Variants in TTC7B observed in about 807,000 individuals in gnomAD.
TTC7B encodes the protein tetratricopeptide repeat protein 7B.
A neutral mutation model predicts 106.8 loss-of-function variants in TTC7B; 28 were observed. The observed-to-expected ratio is 0.26, with a 90% confidence interval of 0.19 to 0.36. TTC7B has a LOEUF of 0.36. Among genes scored for constraint, TTC7B ranks in the 10% least tolerant of loss-of-function variants. The pLI is 1.00. For missense variants in TTC7B, 862 were observed against 1,076.4 expected (o/e 0.80, Z 2.79); for synonymous variants, 405 against 430.6 (o/e 0.94, Z 0.74).
At position 90,677,718 on chromosome 14, in the gene TTC7B, G is replaced by A. The variant is rs948416978; in HGVS notation, c.1015-1058C>T. 1.0e-5 allele frequency: 4 copies of A among 388,330 alleles called. No homozygotes were observed. The Admixed American group carries it at 1.3e-4, about 13-fold the overall frequency. 24.1% of individuals were successfully genotyped at this position (388,330 alleles called of 1,614,324 possible). On this transcript the variant is annotated intron_variant, in intron 8 of 19. Coordinates refer to ENST00000328459, the MANE Select transcript of TTC7B (RefSeq NM_001010854.2). ...ACGTTGATCTTCCCCCTGACATTCA[G>A]AAAGGCCACACACACACCTTCCCTC...
rs1889456213 is a variant in TTC7B, at chr14:90,537,837, CA to C, written c.*3530del. ...TCCTCATCTGTCTGTTTCCTTCTAC[CA>C]GAAGGTAGGTCCTAAGTGGATGCAG... On this transcript the variant is annotated 3_prime_UTR_variant, in exon 20 of 20. Transcript: ENST00000328459. 1.3e-5 allele frequency: 1 copy of C among 76,692 alleles called. No individual in the cohort carries two copies. The highest frequency in any genetic ancestry group is 4.1e-5 in the Non-Finnish European group (1 of 24,116). 4.8% of individuals were successfully genotyped at this position (76,692 alleles called of 1,614,324 possible).
chr14:90,602,090 T>C (rs1163826769), intron 17 of TTC7B: 3 of 455,770 alleles, frequency 6.6e-6, no homozygotes, highest in Non-Finnish European at 1.3e-5. Context: ...AATCAACTCT[T>C]AAGGGTGAGG....
At chr14:90,702,516 C>T (rs1171098448) in intron 5 of TTC7B, among the ~76,000 whole-genome samples, 1 of 151,934 alleles carries the variant, frequency 6.6e-6, no homozygotes, top group African/African-American at 2.4e-5. Flanking sequence ...AGCCTCAAAA[C>T]TCTATCATTG....
At chr14:90,593,339 G>A (rs1892047768) in intron 18 of TTC7B, 147 bp downstream of exon 18, 2 of 1,200,262 alleles carry the variant, frequency 1.7e-6, no homozygotes, top group Admixed American at 5.6e-5. Context: ...TAACATTTTG[G>A]TGCATGGCCG....
chr14:90,714,768 A>T (rs1207576428), intron 5 of TTC7B, among the ~76,000 whole-genome samples: 2 of 152,010 alleles, frequency 1.3e-5, no homozygotes, highest in African/African-American at 4.8e-5. Flanking sequence ...ATATACATTT[A>T]TTAAAAACAA....
intron 19 of TTC7B, among the ~76,000 whole-genome samples, chr14:90,555,411 G>T (rs1209064131): frequency 1.3e-5 from 2 of 152,234 alleles, no homozygotes; most frequent in East Asian, 1.9e-4. Flanking sequence ...CTAGGGAAGG[G>T]GGGGGTGTTT....
At position 90,526,729 on chromosome 14, in the gene TTC7B, C is replaced by T. The variant is rs115271252; in HGVS notation, c.*14639G>A. 0.029 allele frequency: 4,345 copies of T among 152,282 alleles called. 121 individuals are homozygous for T. Among genetic ancestry groups the T allele is most frequent in the East Asian group, 0.16 (853 of 5,178 alleles). The allele number at this position is 152,282 out of a possible 1,614,324, so 9.4% of individuals were successfully genotyped here. A position where few individuals can be genotyped will look rare whatever the true frequency, so the allele number is the denominator to read the frequency against. On this transcript the variant is annotated 3_prime_UTR_variant, in exon 20 of 20. Transcript: ENST00000328459. ...TGGTTTTATAAGGGTTTTTCCCCCT[C>T]CTTTTGCACGGCACTTCTCCTTCCT...
At chr14:90,573,752 C>T (rs1891144522) in intron 19 of TTC7B, among the ~76,000 whole-genome samples, 1 of 152,230 alleles carries the variant, frequency 6.6e-6, no homozygotes, top group Admixed American at 6.5e-5. Context: ...CCTGGCTGAC[C>T]CCTGCCATCT....
At chr14:90,564,828 T>C (rs1235887220) in intron 19 of TTC7B, among the ~76,000 whole-genome samples, 1 of 152,176 alleles carries the variant, frequency 6.6e-6, no homozygotes, top group Non-Finnish European at 1.5e-5. Flanking sequence ...GGAGAATCAC[T>C]TGAGCCCGGG....
At chr14:90,752,238 T>C (rs6575146) in intron 3 of TTC7B, among the ~76,000 whole-genome samples, 147,154 of 152,290 alleles carry the variant, frequency 0.97, 71,245 homozygotes, top group Non-Finnish European at 1. Flanking sequence ...AGATTAAGGG[T>C]CAGGTGCAGT....
chr14:90,655,126 A>G lies in TTC7B; in HGVS notation c.1342-16T>C. The G allele has an allele frequency of 6.3e-7, 1 of 1,588,796 alleles. No homozygotes were observed. The highest frequency in any genetic ancestry group is 8.6e-7 in the Non-Finnish European group (1 of 1,157,062). On this transcript the variant is annotated splice_polypyrimidine_tract_variant and intron_variant, in intron 11 of 19. Transcript: ENST00000328459. ...CCTCTTCCAACTGAAAAATGAGACAAGTTAAAAACAACAACAACCTGCAGA... is the reference window on the plus strand; with the variant it reads ...CCTCTTCCAACTGAAAAATGAGACAGGTTAAAAACAACAACAACCTGCAGA...
intron 5 of TTC7B, among the ~76,000 whole-genome samples, chr14:90,716,768 C>G (rs1341634628): frequency 6.6e-6 from 1 of 152,160 alleles, no homozygotes; most frequent in Non-Finnish European, 1.5e-5. Flanking sequence ...GGTATTTTAA[C>G]TGCTTATTTC....
chr14:90,628,429 G>A (rs953402466), intron 15 of TTC7B, among the ~76,000 whole-genome samples: 1 of 152,164 alleles, frequency 6.6e-6, no homozygotes, highest in Admixed American at 6.5e-5. Flanking sequence ...TTCTCCACAT[G>A]ACCCAGTTTG....
chr14:90,764,349 A>G (rs894028844), intron 3 of TTC7B, among the ~76,000 whole-genome samples: 1 of 152,172 alleles, frequency 6.6e-6, no homozygotes, highest in African/African-American at 2.4e-5. Flanking sequence ...AGTAAAAACT[A>G]TAAAACTCAT....
intron 3 of TTC7B, among the ~76,000 whole-genome samples, chr14:90,760,611 T>C (rs895851611): frequency 6.6e-6 from 1 of 152,264 alleles, no homozygotes; most frequent in Non-Finnish European, 1.5e-5. Context: ...TCAGGCATTG[T>C]AAACCCCAGG....
At chr14:90,665,958 T>C (rs1410614569) in intron 9 of TTC7B, among the ~76,000 whole-genome samples, 1 of 152,220 alleles carries the variant, frequency 6.6e-6, no homozygotes, top group African/African-American at 2.4e-5. Flanking sequence ...TCAGACATTT[T>C]GGGCCATCAC....
At chr14:90,716,069 G>A (rs1470791913) in intron 5 of TTC7B, among the ~76,000 whole-genome samples, 1 of 152,164 alleles carries the variant, frequency 6.6e-6, no homozygotes, top group African/African-American at 2.4e-5. Flanking sequence ...ATAGGCAGAG[G>A]GACCACTGCA....
rs796845206 is a variant in TTC7B at position 90,771,798 on chromosome 14, G to A, written c.445+8940C>T. On this transcript the variant is annotated intron_variant, in intron 3 of 19. Transcript: ENST00000328459. ...ATACATATAATGCGTGTGTGTGCACGTGTGTGTGTGTAACAGTGGTTAACC... is the reference window on the plus strand; with the variant it reads ...ATACATATAATGCGTGTGTGTGCACATGTGTGTGTGTAACAGTGGTTAACC... Among the ~76,000 whole-genome samples the A allele has an allele frequency of 5.3e-5, 8 of 150,436 alleles. No individual in the cohort carries two copies. In the East Asian group the frequency reaches 1.4e-3, roughly 26 times the overall value.
intron 19 of TTC7B, among the ~76,000 whole-genome samples, chr14:90,568,821 G>T (rs1890902413): frequency 6.6e-6 from 1 of 152,218 alleles, no homozygotes; most frequent in African/African-American, 2.4e-5. Context: ...GACGGCAGAG[G>T]TTCTTATTCC....
Sources: allele counts gnomAD v4.1 joint callset (sites outside exome capture counted in the v4.1 genomes callset), GRCh38; gene constraint gnomAD v4.1.1; transcripts MANE v1.5; gene names NCBI Gene and HGNC (gene_info 2026-07-23, HGNC 2026-07-21).